RGPD2: variants seen among roughly 807,000 people sequenced by gnomAD.
The protein encoded by RGPD2 is RANBP2-like and GRIP domain-containing protein 2.
RGPD2 carries 2 observed loss-of-function variants against 36.0 expected under a neutral mutation model. The ratio of observed to expected loss-of-function variants is 0.06; its 90% confidence interval spans 0.02 to 0.17. The LOEUF (loss-of-function observed/expected upper bound fraction) is 0.17, where lower values mean the gene tolerates loss of function less well. Ranked by LOEUF, RGPD2 falls within the 10% of genes least tolerant of loss-of-function variation. The pLI, the probability that RGPD2 is intolerant of heterozygous loss-of-function variation, is 1.00. For missense variants in RGPD2, 40 were observed against 464.3 expected (o/e 0.09, Z 8.40); for synonymous variants, 19 against 163.8 (o/e 0.12, Z 6.75).
At chr2:87,973,335 C>T in the RGPD2 span, among the ~76,000 whole-genome samples, 17 of 124,406 alleles carry the variant, frequency 1.4e-4, 2 homozygotes, top group African/African-American at 4.7e-4. Flanking sequence ...GTCCTGCCTC[C>T]GGTGAGGGTG....
the RGPD2 span, among the ~76,000 whole-genome samples, chr2:87,834,940 T>C: frequency 1.3e-5 from 2 of 148,744 alleles, no homozygotes; most frequent in South Asian, 2.2e-4. Flanking sequence ...ATATAACTGC[T>C]GTATATGATC....
chr2:87,883,388 A>T, the RGPD2 span, among the ~76,000 whole-genome samples: 4 of 152,278 alleles, frequency 2.6e-5, no homozygotes, highest in African/African-American at 7.2e-5. Context: ...AAAAAGCTAG[A>T]CAGAAATAAA....
the RGPD2 span, chr2:87,968,555 G>T: frequency 1.4e-5 from 2 of 143,908 alleles, no homozygotes; most frequent in East Asian, 2.2e-4. Context: ...CAGTCTGGAC[G>T]ACAGAGCCAA....
At chr2:87,922,312 A>C in the RGPD2 span, among the ~76,000 whole-genome samples, 1 of 151,794 alleles carries the variant, frequency 6.6e-6, no homozygotes. Context: ...AAAAAAAAAA[A>C]AAACCAAAAA....
the RGPD2 span, among the ~76,000 whole-genome samples, chr2:87,924,764 T>A: frequency 7.6e-6 from 1 of 131,180 alleles, no homozygotes; most frequent in Non-Finnish European, 1.6e-5. Context: ...TGGTTTTTGA[T>A]CTGTATTAGT....
chr2:87,877,791 T>C, the RGPD2 span, among the ~76,000 whole-genome samples: 1 of 114,452 alleles, frequency 8.7e-6, no homozygotes, highest in African/African-American at 3.5e-5. Context: ...GGCAACAGAG[T>C]GAGACTCCGT....
chr2:87,842,145 G>T, the RGPD2 span, among the ~76,000 whole-genome samples: 1 of 152,136 alleles, frequency 6.6e-6, no homozygotes, highest in Non-Finnish European at 1.5e-5. Context: ...TTTGAAAACT[G>T]GCACAAGACA....
the RGPD2 span, among the ~76,000 whole-genome samples, chr2:87,894,262 T>A: frequency 6.6e-6 from 1 of 152,096 alleles, no homozygotes; most frequent in Non-Finnish European, 1.5e-5. Flanking sequence ...TAATTTATAA[T>A]TTCTTAAATG....
chr2:87,761,302 C>T (rs1222957662), intron 22 of RGPD2, among the ~76,000 whole-genome samples: 1 of 1,314 alleles, frequency 7.6e-4, no homozygotes, highest in African/African-American at 2.7e-3. Context: ...TGGATACTTC[C>T]GATATTTCTT....
upstream of RGPD2, among the ~76,000 whole-genome samples, chr2:87,827,195 T>G (rs1302521244): frequency 1.3e-5 from 2 of 152,190 alleles, no homozygotes; most frequent in Non-Finnish European, 2.9e-5. Flanking sequence ...TGCGTGTGCA[T>G]GTGTGTGTGA....
chr2:87,857,086 T>C, the RGPD2 span, among the ~76,000 whole-genome samples: 1 of 152,242 alleles, frequency 6.6e-6, no homozygotes, highest in East Asian at 1.9e-4. Flanking sequence ...TACAAATCCA[T>C]CTAAGGCCAA....
At chr2:87,988,081 A>C in the RGPD2 span, among the ~76,000 whole-genome samples, 1 of 152,120 alleles carries the variant, frequency 6.6e-6, no homozygotes, top group East Asian at 1.9e-4. Context: ...TCTTGTCTAC[A>C]ATCTGCCAAT....
chr2:87,832,178 CTT>C, the RGPD2 span, among the ~76,000 whole-genome samples: 1 of 149,108 alleles, frequency 6.7e-6, no homozygotes, highest in Admixed American at 6.6e-5. Context: ...ACAAGTAAAA[CTT>C]AATATAATAG....
At chr2:87,857,468 G>C in the RGPD2 span, among the ~76,000 whole-genome samples, 10,762 of 141,700 alleles carry the variant, frequency 0.076, no homozygotes, top group Middle Eastern at 0.12. Flanking sequence ...TCAGCCTCTT[G>C]AGTAGCTGGG....
chr2:87,913,102 G>A, the RGPD2 span, among the ~76,000 whole-genome samples: 1 of 152,076 alleles, frequency 6.6e-6, no homozygotes, highest in African/African-American at 2.4e-5. Flanking sequence ...GTCCTTATAT[G>A]GCTTTTTAGG....
intron 22 of RGPD2, among the ~76,000 whole-genome samples, chr2:87,759,062 G>C (rs1684836830): frequency 1.4e-5 from 2 of 142,128 alleles, no homozygotes; most frequent in African/African-American, 5.0e-5. Context: ...CATTGCCCAG[G>C]CTAGAGTGCA....
At chr2:87,929,476 TG>T in the RGPD2 span, among the ~76,000 whole-genome samples, 1 of 62,070 alleles carries the variant, frequency 1.6e-5, no homozygotes, top group African/African-American at 9.2e-5. Context: ...TTGTTTTTTT[TG>T]TGTGTGTGTA....
the RGPD2 span, among the ~76,000 whole-genome samples, chr2:87,983,291 G>C: frequency 6.6e-6 from 1 of 152,138 alleles, no homozygotes; most frequent in Non-Finnish European, 1.5e-5. Context: ...CTGCATTCCA[G>C]CCTAGATGAC....
At chr2:87,772,783 C>T (rs1685166276) in intron 21 of RGPD2, among the ~76,000 whole-genome samples, 1 of 148,744 alleles carries the variant, frequency 6.7e-6, no homozygotes, top group South Asian at 2.1e-4. Flanking sequence ...TCACGAGAAA[C>T]AGATGAAGAG....
Sources: allele counts gnomAD v4.1 joint callset (sites outside exome capture counted in the v4.1 genomes callset), GRCh38; gene constraint gnomAD v4.1.1; transcripts MANE v1.5; gene names NCBI Gene and HGNC (gene_info 2026-07-23, HGNC 2026-07-21).